Variants in SEL1L2 observed in about 807,000 individuals in gnomAD.
The protein encoded by SEL1L2 is SEL1L2 adaptor subunit of SYVN1 ubiquitin ligase, also known as protein sel-1 homolog 2.
In SEL1L2, 89 loss-of-function variants were observed where a neutral mutation model predicts 98.8. The observed-to-expected ratio is 0.90, with a 90% CI of 0.76 to 1.07. The LOEUF is 1.07. SEL1L2 is among the 50% of genes least tolerant of loss of function. SEL1L2 has a pLI of 0.00. For missense variants in SEL1L2, 788 were observed against 812.0 expected, an observed-to-expected ratio of 0.97 and a Z score of 0.36; for synonymous variants, 262 against 278.5, an observed-to-expected ratio of 0.94 and a Z score of 0.59.
At chr20:13,990,399 A>T in intron 1 of SEL1L2, 78 bp downstream of exon 1, 1 of 961,090 alleles carries the variant, frequency 1.0e-6, no homozygotes, top group Non-Finnish European at 1.7e-6. Context: ...CTAGTCTTTT[A>T]ATTGGCTTCT....
chr20:13,965,058 T>C (rs975410998), intron 1 of SEL1L2, among the ~76,000 whole-genome samples: 1 of 152,112 alleles, frequency 6.6e-6, no homozygotes, highest in Admixed American at 6.6e-5. Context: ...TCTGGCATGA[T>C]GTGAGGGTTG....
chr20:13,859,290 A>C lies in SEL1L2; in HGVS notation c.1790T>G (p.Met597Arg). The change falls in exon 18 of 20, where the codon ATG becomes AGG. Residue 597 changes from methionine (M) to arginine (R), a missense_variant. By Grantham distance (91) the Met-to-Arg change is moderately conservative (BLOSUM62 -1). Coordinates refer to ENST00000284951, the MANE Select transcript of SEL1L2 (RefSeq NM_025229.2). ...TGTGATGCCTAAGCCGTGTTCATAC[A>C]TATAAGCCAGATTGAACATGGCTTG... ...NAQAMFNLAY[M>R]YEHGLGITKD... 1 of 1,614,180 alleles carries C rather than the reference A, an allele frequency of 6.2e-7. No homozygotes were observed. Among genetic ancestry groups the C allele is most frequent in the Non-Finnish European group, 8.5e-7 (1 of 1,180,010 alleles).
intron 11 of SEL1L2, 96 bp from the exon 12 acceptor site, chr20:13,876,211 T>C (rs2046422036): frequency 2.3e-6 from 2 of 862,478 alleles, no homozygotes; most frequent in Non-Finnish European, 3.9e-6. Flanking sequence ...TGGTACAACA[T>C]ATTGAATGTA....
At chr20:13,876,450 C>T (rs937635828) in intron 11 of SEL1L2, among the ~76,000 whole-genome samples, 5 of 136,818 alleles carry the variant, frequency 3.7e-5, no homozygotes, top group Admixed American at 1.7e-4. Context: ...CTGTATGTTG[C>T]ACTTAGGAAG....
rs1311849410 is a variant in SEL1L2, at chr20:13,849,359, T to C, written c.*126A>G. On this transcript the variant is annotated 3_prime_UTR_variant, in exon 20 of 20. Coordinates refer to ENST00000284951, the MANE Select transcript of SEL1L2 (RefSeq NM_025229.2). ...TAGGATGGTCCCCAAGTCTTGTCTGTTTCCCATCACAGCCCTGAGCGGGAA... is the reference window on the plus strand; with the variant it reads ...TAGGATGGTCCCCAAGTCTTGTCTGCTTCCCATCACAGCCCTGAGCGGGAA... The C allele has an allele frequency of 2.4e-6, 3 of 1,241,192 alleles. No homozygotes were observed. The highest frequency in any genetic ancestry group is 3.4e-6 in the Non-Finnish European group (3 of 881,052). 76.9% of individuals were successfully genotyped at this position (1,241,192 alleles called of 1,614,324 possible). A position where few individuals can be genotyped will look rare whatever the true frequency, so the allele number is the denominator to read the frequency against.
intron 1 of SEL1L2, among the ~76,000 whole-genome samples, chr20:13,964,134 A>G (rs2050916566): frequency 2.0e-5 from 3 of 152,020 alleles, no homozygotes; most frequent in African/African-American, 7.2e-5. Flanking sequence ...TCGGCCTCCC[A>G]AAGTGTTGGG....
At chr20:13,994,141 A>G (rs2148600108), upstream of SEL1L2, among the ~76,000 whole-genome samples, 1 of 152,174 alleles carries the variant, frequency 6.6e-6, no homozygotes, top group East Asian at 1.9e-4. Context: ...CTAAAAAAAT[A>G]CAAAATTAGC....
Position 13,971,592 on chromosome 20 carries a change from A to ATTT in SEL1L2, c.59-15464_59-15462dup, listed in dbSNP as rs34169464. On this transcript the variant is annotated intron_variant, in intron 1 of 19. Transcript: ENST00000284951. ...AGGCATGTGCCACCATAGCTAGCTA[A>ATTT]TTTTTTTTTTTTTTGTATTTTTAGT... Among the ~76,000 whole-genome samples, 1,297 of 144,786 alleles carry ATTT rather than the reference A, an allele frequency of 9.0e-3. 41 individuals are homozygous for ATTT. The highest frequency in any genetic ancestry group is 0.064 in the Admixed American group (930 of 14,474). 95.0% of individuals were successfully genotyped at this position (144,786 alleles called of 152,430 possible).
At chr20:13,977,401 G>C (rs1402752664) in intron 1 of SEL1L2, among the ~76,000 whole-genome samples, 1 of 152,222 alleles carries the variant, frequency 6.6e-6, no homozygotes, top group Non-Finnish European at 1.5e-5. Flanking sequence ...GTGCACAGAA[G>C]TTAGCAGAAA....
At chr20:13,990,216 T>G (rs1339333481) in intron 1 of SEL1L2, among the ~76,000 whole-genome samples, 2 of 152,228 alleles carry the variant, frequency 1.3e-5, no homozygotes, top group Non-Finnish European at 2.9e-5. Flanking sequence ...ACAATTACTG[T>G]AGTGGTTTCC....
intron 2 of SEL1L2, among the ~76,000 whole-genome samples, chr20:13,949,440 G>A (rs1006745683): frequency 7.6e-4 from 116 of 152,254 alleles, no homozygotes; most frequent in Non-Finnish European, 1.4e-3. Flanking sequence ...GGAGGCAGGC[G>A]GATCACGAGG....
chr20:13,947,141 T>C (rs983066379), intron 2 of SEL1L2, among the ~76,000 whole-genome samples: 1 of 152,174 alleles, frequency 6.6e-6, no homozygotes, highest in Non-Finnish European at 1.5e-5. Context: ...CCATTCCGGG[T>C]GGAGTCTGTA....
chr20:13,880,870 A>AGTG (rs534750116), intron 10 of SEL1L2, among the ~76,000 whole-genome samples: 2,084 of 152,182 alleles, frequency 0.014, 46 homozygotes, highest in African/African-American at 0.047. Context: ...GTAAAGTTTT[A>AGTG]TTATTTGGAC....
chr20:13,965,380 AGAAATGGG>A (rs2050995172), intron 1 of SEL1L2, among the ~76,000 whole-genome samples: 1 of 152,194 alleles, frequency 6.6e-6, no homozygotes, highest in Non-Finnish European at 1.5e-5. Flanking sequence ...AGTAAGTACC[AGAAATGGG>A]GAGAAAACTG....
At chr20:13,921,118 C>T (rs1240691576) in intron 3 of SEL1L2, among the ~76,000 whole-genome samples, 8 of 152,190 alleles carry the variant, frequency 5.3e-5, no homozygotes, top group Non-Finnish European at 1.2e-4. Flanking sequence ...TTTACCACCA[C>T]AAATTTCTAC....
chr20:13,911,861 A>G (rs2048217983), intron 5 of SEL1L2, among the ~76,000 whole-genome samples: 1 of 152,134 alleles, frequency 6.6e-6, no homozygotes, highest in South Asian at 2.1e-4. Flanking sequence ...TCCTTGCTTA[A>G]ATTTTATATC....
intron 2 of SEL1L2, among the ~76,000 whole-genome samples, chr20:13,954,243 C>T (rs760782150): frequency 6.6e-6 from 1 of 152,074 alleles, no homozygotes; most frequent in Non-Finnish European, 1.5e-5. Flanking sequence ...CAGAATTTGC[C>T]AAGCCTACAT....
intron 18 of SEL1L2, among the ~76,000 whole-genome samples, chr20:13,857,591 G>A (rs6074652): frequency 0.016 from 2,461 of 152,338 alleles, 37 homozygotes; most frequent in Non-Finnish European, 0.024. Context: ...GAATACAGCT[G>A]TCAGGGCAAC....
intron 1 of SEL1L2, among the ~76,000 whole-genome samples, chr20:13,959,164 A>C (rs2050674312): frequency 6.6e-6 from 1 of 152,182 alleles, no homozygotes; most frequent in South Asian, 2.1e-4. Context: ...CTGAACGAAG[A>C]TTTGAAAAAT....
Sources: allele counts gnomAD v4.1 joint callset (sites outside exome capture counted in the v4.1 genomes callset), GRCh38; gene constraint gnomAD v4.1.1; transcripts MANE v1.5; gene names NCBI Gene and HGNC (gene_info 2026-07-23, HGNC 2026-07-21).